The following MED27 variants were observed in gnomAD, a reference collection of about 807,000 sequenced individuals.
MED27 encodes the protein mediator complex subunit 27.
In MED27, 30 loss-of-function variants were observed where a neutral mutation model predicts 38.2. The ratio of observed to expected loss-of-function variants is 0.79; its 90% CI spans 0.59 to 1.07. The LOEUF (loss-of-function observed/expected upper bound fraction) is 1.07. Among genes scored for constraint, MED27 ranks in the 50% least tolerant of loss-of-function variants. The probability of loss-of-function intolerance (pLI) is 0.00; values close to 1 mark genes in which losing one functional copy is unlikely to be tolerated. For synonymous variants in MED27, 122 were observed against 153.5 expected (o/e 0.79, Z 1.52); for missense variants, 289 against 397.5 (o/e 0.73, Z 2.32).
Position 132,011,313 on chromosome 9 carries a change from T to C in MED27, c.479+3024A>G, listed in dbSNP as rs184621579. Among the ~76,000 whole-genome samples the C allele has an allele frequency of 1.1e-3, 174 of 152,324 alleles. 1 individual carries two copies. The highest frequency in any genetic ancestry group is 3.8e-3 in the African/African-American group (159 of 41,578). On this transcript the variant is annotated intron_variant, in intron 3 of 7. Transcript: ENST00000292035. ...TCTAGAACAATATCCATCCTAATCT[T>C]AATAACTTTTTCAGATAACAAAAAC...
chr9:132,047,475 C>CACACACACACACAT (rs1554768183), intron 2 of MED27, among the ~76,000 whole-genome samples: 1 of 150,832 alleles, frequency 6.6e-6, no homozygotes, highest in Non-Finnish European at 1.5e-5. Flanking sequence ...CACACACACA[C>CACACACACACACAT]GTCTTAGTCC....
At chr9:131,877,621 T>C (rs1838959826) in intron 6 of MED27, among the ~76,000 whole-genome samples, 1 of 152,118 alleles carries the variant, frequency 6.6e-6, no homozygotes, top group Non-Finnish European at 1.5e-5. Context: ...GGAGCCTCTT[T>C]AGTGGTGTGA....
intron 3 of MED27, among the ~76,000 whole-genome samples, chr9:131,989,834 T>TA (rs1408710169): frequency 6.6e-6 from 1 of 151,322 alleles, no homozygotes; most frequent in Non-Finnish European, 1.5e-5. Context: ...AATTCGCCTA[T>TA]AACCTACAGC....
At chr9:132,023,263 C>A (rs1263887344) in intron 2 of MED27, among the ~76,000 whole-genome samples, 2 of 152,158 alleles carry the variant, frequency 1.3e-5, no homozygotes, top group Admixed American at 6.5e-5. Context: ...AGAACCATCA[C>A]TGGACATTTC....
At chr9:131,890,251 T>C (rs1157697983) in intron 5 of MED27, among the ~76,000 whole-genome samples, 2 of 152,200 alleles carry the variant, frequency 1.3e-5, no homozygotes, top group African/African-American at 2.4e-5. Context: ...ATGTGGTCAG[T>C]GTGTCCTTAA....
intron 2 of MED27, among the ~76,000 whole-genome samples, chr9:132,072,618 T>C (rs1589304666): frequency 6.6e-6 from 1 of 152,054 alleles, no homozygotes. Flanking sequence ...GGGCAGTCTA[T>C]ACTACAGCCA....
chr9:132,039,014 G>C (rs1407858408), intron 2 of MED27, among the ~76,000 whole-genome samples: 4 of 152,198 alleles, frequency 2.6e-5, no homozygotes, highest in Non-Finnish European at 5.9e-5. Context: ...GGTCAACCTG[G>C]TTTCATTATG....
intron 5 of MED27, among the ~76,000 whole-genome samples, chr9:131,892,842 A>G (rs1191367469): frequency 2.0e-5 from 3 of 152,360 alleles, no homozygotes; most frequent in East Asian, 1.9e-4. Flanking sequence ...TTCCAAAAAG[A>G]AAAAGGAAAT....
intron 2 of MED27, among the ~76,000 whole-genome samples, chr9:132,070,803 C>G (rs1246033911): frequency 6.6e-6 from 1 of 152,012 alleles, no homozygotes; most frequent in East Asian, 1.9e-4. Context: ...CCCACACCCC[C>G]CACCAAACCC....
intron 2 of MED27, among the ~76,000 whole-genome samples, chr9:132,077,043 T>C (rs1215484310): frequency 6.6e-6 from 1 of 152,152 alleles, no homozygotes; most frequent in Non-Finnish European, 1.5e-5. Flanking sequence ...GAACATAATG[T>C]GCGCAGCTAA....
rs550801476 is a variant in MED27, at chr9:131,862,840, G to A, written c.801+223C>T. The stretch of plus-strand genomic sequence containing the variant: ...TTGGAAGATCATTTCTGAAACCACC[G>A]CTTTTTCAGCAAGTAGAGAAAGCAC... On this transcript the variant is annotated intron_variant, in intron 7 of 7. Transcript: ENST00000292035. The surrounding 1 kb of genome is among the most constrained non-coding windows in gnomAD (Gnocchi z 4.6). Among the ~76,000 whole-genome samples the A allele has an allele frequency of 1.3e-5, 2 of 152,304 alleles. No homozygotes were observed. The highest frequency in any genetic ancestry group is 2.4e-5 in the African/African-American group (1 of 41,568).
chr9:131,968,264 C>T (rs1415896938), intron 3 of MED27, among the ~76,000 whole-genome samples: 1 of 151,926 alleles, frequency 6.6e-6, no homozygotes. Flanking sequence ...GCTTGAACCC[C>T]GAGGTTCGAG....
chr9:131,877,125 C>A (rs561945020), intron 6 of MED27, among the ~76,000 whole-genome samples: 1 of 152,108 alleles, frequency 6.6e-6, no homozygotes, highest in African/African-American at 2.4e-5. Flanking sequence ...TGCAGGGCAC[C>A]GAACAGGGAA....
chr9:131,888,630 G>A (rs1455953632), intron 5 of MED27, among the ~76,000 whole-genome samples: 1 of 152,116 alleles, frequency 6.6e-6, no homozygotes, highest in African/African-American at 2.4e-5. Flanking sequence ...AATAAAACTC[G>A]TAAGCCACAC....
intron 3 of MED27, among the ~76,000 whole-genome samples, chr9:131,985,216 C>A (rs1319698727): frequency 6.6e-6 from 1 of 152,094 alleles, no homozygotes; most frequent in African/African-American, 2.4e-5. Flanking sequence ...TTACTGTTTT[C>A]TTCAAGACTC....
At chr9:132,015,492 A>C (rs1256414157) in intron 2 of MED27, among the ~76,000 whole-genome samples, 1 of 152,208 alleles carries the variant, frequency 6.6e-6, no homozygotes, top group African/African-American at 2.4e-5. Flanking sequence ...TTTACGTAAA[A>C]TATAATATGC....
intron 2 of MED27, among the ~76,000 whole-genome samples, chr9:132,025,459 G>A (rs777155434): frequency 3.3e-5 from 5 of 152,230 alleles, no homozygotes; most frequent in Admixed American, 6.5e-5. Context: ...TGGGATTACA[G>A]GCGTGAGCCA....
At chr9:131,941,817 ATTTT>A (rs766438800) in intron 3 of MED27, among the ~76,000 whole-genome samples, 5 of 82,514 alleles carry the variant, frequency 6.1e-5, no homozygotes, top group South Asian at 5.1e-4. Context: ...ATTCTGCTGA[ATTTT>A]TTTTTTTTTT....
chr9:132,065,699 C>T (rs989466934), intron 2 of MED27, among the ~76,000 whole-genome samples: 1 of 152,250 alleles, frequency 6.6e-6, no homozygotes, highest in East Asian at 1.9e-4. Context: ...TATGTCCATG[C>T]CCGGGCTGGG....
Sources: allele counts gnomAD v4.1 joint callset (sites outside exome capture counted in the v4.1 genomes callset), GRCh38; gene constraint gnomAD v4.1.1; non-coding constraint Gnocchi (gnomAD v3.1); transcripts MANE v1.5; gene names NCBI Gene and HGNC (gene_info 2026-07-23, HGNC 2026-07-21).